Variants in ANKFN1 observed in about 807,000 individuals in gnomAD.
ANKFN1 encodes ankyrin repeat and fibronectin type III domain containing 1.
Under a neutral mutation model 108.7 loss-of-function variants are expected in ANKFN1, and 74 were observed. The observed-to-expected ratio is 0.68, with a 90% CI of 0.56 to 0.83. The LOEUF (loss-of-function observed/expected upper bound fraction) is 0.83. Ranked by LOEUF, ANKFN1 falls within the 40% of genes least tolerant of loss-of-function variation. The pLI, the probability that ANKFN1 is intolerant of heterozygous loss-of-function variation, is 0.00. For synonymous variants in ANKFN1, 547 were observed against 516.2 expected (o/e 1.06, Z -0.81); for missense variants, 1,505 against 1,382.3 (o/e 1.09, Z -1.41).
chr17:56,174,559 A>G (rs1232820562), intron 1 of ANKFN1, among the ~76,000 whole-genome samples: 1 of 152,054 alleles, frequency 6.6e-6, no homozygotes, highest in African/African-American at 2.4e-5. Context: ...TTGGTGATTC[A>G]TGGTTGTTTT....
intron 2 of ANKFN1, among the ~76,000 whole-genome samples, chr17:56,216,979 T>C (rs1303704865): frequency 6.6e-6 from 1 of 152,182 alleles, no homozygotes; most frequent in East Asian, 1.9e-4. Flanking sequence ...AAAGAGAAGA[T>C]GACAATGGTG....
At chr17:56,154,138 C>T (rs1228259026) in intron 1 of ANKFN1, among the ~76,000 whole-genome samples, 1 of 151,976 alleles carries the variant, frequency 6.6e-6, no homozygotes, top group Non-Finnish European at 1.5e-5. Context: ...GTATCGGAAT[C>T]CCTGTTACTG....
chr17:56,477,971 G>T (rs2050564922), intron 16 of ANKFN1, among the ~76,000 whole-genome samples: 1 of 152,096 alleles, frequency 6.6e-6, no homozygotes, highest in South Asian at 2.1e-4. Context: ...GGGATTACAG[G>T]TGTGCACCAC....
chr17:56,316,276 C>G (rs991636339), intron 3 of ANKFN1, among the ~76,000 whole-genome samples: 4 of 152,128 alleles, frequency 2.6e-5, no homozygotes, highest in African/African-American at 9.7e-5. Context: ...ATTTCAAATT[C>G]TCACTGTGAT....
At chr17:56,085,180 CAT>C (rs10572105) in intron 4 of ANKFN1, among the ~76,000 whole-genome samples, 18,621 of 137,300 alleles carry the variant, frequency 0.14, 1,862 homozygotes, top group African/African-American at 0.26. Context: ...CCCTCCAAAG[CAT>C]ATATATATAT....
At position 56,485,200 on chromosome 17, in the gene ANKFN1, G is replaced by A. The variant is rs559998119; in HGVS notation, c.2260+2676G>A. Among the ~76,000 whole-genome samples the A allele has an allele frequency of 1.4e-4, 21 of 152,198 alleles. 2 individuals are homozygous for A. Among genetic ancestry groups the A allele is most frequent in the African/African-American group, 4.6e-4 (19 of 41,520 alleles). ...CAAAGAGCTTACATTCCAGTGGAAG[G>A]GACAAATAACAAACCAATCAATAAA... On this transcript the variant is annotated intron_variant, in intron 18 of 20. Coordinates refer to ENST00000682825, the MANE Select transcript of ANKFN1 (RefSeq NM_001370326.1).
chr17:56,058,075 A>G (rs781477649), intron 4 of ANKFN1, among the ~76,000 whole-genome samples: 1 of 152,230 alleles, frequency 6.6e-6, no homozygotes, highest in Non-Finnish European at 1.5e-5. Context: ...CATTATTTGC[A>G]TAGCACAGAG....
chr17:56,241,175 G>A (rs1917552067), intron 3 of ANKFN1, among the ~76,000 whole-genome samples: 2 of 152,068 alleles, frequency 1.3e-5, no homozygotes, highest in Admixed American at 6.6e-5. Context: ...TCTGGAGGCT[G>A]AGGCAGGAGG....
chr17:56,445,064 T>C (rs1473590335), intron 10 of ANKFN1, among the ~76,000 whole-genome samples: 2 of 152,252 alleles, frequency 1.3e-5, no homozygotes, highest in Non-Finnish European at 2.9e-5. Context: ...AGGCATGTTT[T>C]TATTTCTAGT....
chr17:56,445,060 G>A (rs2049239306), intron 10 of ANKFN1, among the ~76,000 whole-genome samples: 1 of 152,164 alleles, frequency 6.6e-6, no homozygotes, highest in Non-Finnish European at 1.5e-5. Flanking sequence ...GACTAGGCAT[G>A]TTTTTATTTC....
intron 8 of ANKFN1, among the ~76,000 whole-genome samples, chr17:56,377,480 C>T (rs1386058528): frequency 1.3e-5 from 2 of 151,590 alleles, no homozygotes; most frequent in South Asian, 2.1e-4. Context: ...TGCAGTAAAA[C>T]GGGGCTAGGA....
chr17:56,046,220 T>C, exon 4 of ANKFN1: 1 of 158,088 alleles, frequency 6.3e-6, no homozygotes, highest in Non-Finnish European at 1.4e-5. Flanking sequence ...TCGATGAAGG[T>C]TTGTTTCATT....
At chr17:56,326,782 G>A (rs1365893581) in intron 4 of ANKFN1, among the ~76,000 whole-genome samples, 1 of 152,204 alleles carries the variant, frequency 6.6e-6, no homozygotes, top group Non-Finnish European at 1.5e-5. Context: ...TGATAATCCT[G>A]AATGCAAACC....
chr17:56,049,916 AT>A (rs1275467027), intron 4 of ANKFN1, among the ~76,000 whole-genome samples: 1 of 152,050 alleles, frequency 6.6e-6, no homozygotes, highest in East Asian at 1.9e-4. Flanking sequence ...CAGTAATGGG[AT>A]GGCTCGGTCA....
intron 2 of ANKFN1, among the ~76,000 whole-genome samples, chr17:56,220,168 A>G (rs61027933): frequency 0.13 from 19,497 of 152,230 alleles, 1,729 homozygotes; most frequent in African/African-American, 0.24. Context: ...AAGCCCCTCA[A>G]AGGGGGAGGT....
chr17:56,153,812 T>C (rs1317302380), intron 1 of ANKFN1, among the ~76,000 whole-genome samples: 3 of 152,178 alleles, frequency 2.0e-5, no homozygotes, highest in Non-Finnish European at 4.4e-5. Flanking sequence ...TACTTTATGG[T>C]CTGTTTTCTC....
At chr17:56,310,278 A>G (rs2044974546) in intron 3 of ANKFN1, among the ~76,000 whole-genome samples, 1 of 152,226 alleles carries the variant, frequency 6.6e-6, no homozygotes, top group Admixed American at 6.5e-5. Flanking sequence ...AACTGAAACC[A>G]CAGAAAGCAA....
At chr17:56,493,129 G>A (rs80241571) in intron 19 of ANKFN1, among the ~76,000 whole-genome samples, 2,737 of 152,212 alleles carry the variant, frequency 0.018, 77 homozygotes, top group African/African-American at 0.062. Context: ...CACTGTGTGC[G>A]AGACATAAAG....
At chr17:56,270,123 G>T (rs955433864) in intron 3 of ANKFN1, among the ~76,000 whole-genome samples, 1 of 152,108 alleles carries the variant, frequency 6.6e-6, no homozygotes, top group Non-Finnish European at 1.5e-5. Flanking sequence ...GTTCGTGCTT[G>T]AGTTGAGCAC....
Sources: gnomAD v4.1 joint callset for allele counts (sites outside exome capture counted in the v4.1 genomes callset) on GRCh38, gnomAD v4.1.1 for gene constraint, MANE v1.5 for transcripts, NCBI Gene and HGNC (gene_info 2026-07-23, HGNC 2026-07-21) for gene names.